Variants in ACAP2 observed in about 807,000 individuals in gnomAD.
ACAP2 encodes arf-GAP with coiled-coil, ANK repeat and PH domain-containing protein 2.
Under a neutral mutation model 115.8 loss-of-function variants are expected in ACAP2, and 39 were observed. The observed-to-expected ratio is 0.34, with a 90% CI of 0.26 to 0.44. ACAP2 has a LOEUF of 0.44. ACAP2 is among the 20% of genes least tolerant of loss of function. ACAP2 has a pLI of 1.00. For missense variants in ACAP2, 662 were observed against 927.6 expected, an observed-to-expected ratio of 0.71 and a Z score of 3.72; for synonymous variants, 289 against 315.8, an observed-to-expected ratio of 0.92 and a Z score of 0.90.
chr3:195,438,797 T>C (rs1293078562), intron 1 of ACAP2, among the ~76,000 whole-genome samples: 1 of 152,206 alleles, frequency 6.6e-6, no homozygotes, highest in Non-Finnish European at 1.5e-5. Flanking sequence ...TGGTGGCTTA[T>C]GCCTGTAATC....
chr3:195,415,700 T>C (rs1350171738), intron 1 of ACAP2, among the ~76,000 whole-genome samples: 2 of 152,248 alleles, frequency 1.3e-5, no homozygotes, highest in African/African-American at 4.8e-5. Context: ...TTTTCAGATA[T>C]ATGACTTTAT....
At chr3:195,431,582 T>C (rs1230006010) in intron 1 of ACAP2, among the ~76,000 whole-genome samples, 2 of 150,768 alleles carry the variant, frequency 1.3e-5, no homozygotes, top group Non-Finnish European at 2.9e-5. Flanking sequence ...GGACTACAGG[T>C]ACATGCGACC....
intron 10 of ACAP2, among the ~76,000 whole-genome samples, chr3:195,320,248 C>T (rs994650772): frequency 3.3e-5 from 5 of 152,048 alleles, no homozygotes; most frequent in Admixed American, 3.3e-4. Context: ...TGGACTAATA[C>T]AATAAGCAAA....
intron 22 of ACAP2, among the ~76,000 whole-genome samples, chr3:195,280,291 A>G (rs1302143016): frequency 6.6e-6 from 1 of 152,050 alleles, no homozygotes; most frequent in Non-Finnish European, 1.5e-5. Flanking sequence ...GGCCAACATG[A>G]TGAAACCCTG....
At chr3:195,336,892 T>C (rs763697107) in intron 7 of ACAP2, 40 bp downstream of exon 7, 1 of 1,482,294 alleles carries the variant, frequency 6.7e-7, no homozygotes, top group Non-Finnish European at 9.4e-7. Flanking sequence ...TTTAGTTTCA[T>C]ATTAAAATAT....
Position 195,297,276 on chromosome 3 carries a change from C to A in ACAP2, c.1401G>T (p.Met467Ile). The A allele has an allele frequency of 6.2e-7, 1 of 1,609,668 alleles. No individual in the cohort carries two copies. Among genetic ancestry groups the A allele is most frequent in the Non-Finnish European group, 8.5e-7 (1 of 1,178,784 alleles). ...DTWEPELLKL[M>I]CELGNDVINR... is the part of the protein sequence containing the mutation. ...TTATAACATCATTCCCCAACTCACACATAAGCTGTTTGGCAAAAAAAAATA... is the reference window on the plus strand; with the variant it reads ...TTATAACATCATTCCCCAACTCACAAATAAGCTGTTTGGCAAAAAAAAATA... Residue 467 changes from methionine to isoleucine, a missense_variant, in exon 16 of 23, where the codon ATG becomes ATT. This residue lies in a region of ACAP2 where 401 missense variants were observed against 604.4 expected (regional missense o/e 0.66). Coordinates refer to ENST00000326793, the MANE Select transcript of ACAP2 (RefSeq NM_012287.6).
At chr3:195,403,349 G>C (rs1410770267) in intron 1 of ACAP2, among the ~76,000 whole-genome samples, 1 of 152,204 alleles carries the variant, frequency 6.6e-6, no homozygotes, top group Non-Finnish European at 1.5e-5. Flanking sequence ...AGCTATACCA[G>C]GTAACCACTG....
chr3:195,412,688 C>T (rs1027334149), intron 1 of ACAP2, among the ~76,000 whole-genome samples: 11 of 152,044 alleles, frequency 7.2e-5, no homozygotes, highest in African/African-American at 2.7e-4. Flanking sequence ...ATTTTAAGCC[C>T]TTTTGAGCTA....
rs926728972 is a variant in ACAP2 at position 195,442,953 on chromosome 3, G to C, written c.-106C>G. The C allele has an allele frequency of 1.9e-6, 2 of 1,048,566 alleles. No individual in the cohort carries two copies. Among genetic ancestry groups the C allele is most frequent in the Non-Finnish European group, 2.6e-6 (2 of 764,226 alleles). The allele number at this position is 1,048,566 out of a possible 1,614,324, so 65.0% of individuals were successfully genotyped here. On this transcript the variant is annotated 5_prime_UTR_variant, in exon 1 of 23. Coordinates refer to ENST00000326793, the MANE Select transcript of ACAP2 (RefSeq NM_012287.6). ...CGGGCGCACGGCCGCGACTAGCGTT[G>C]CGCGGAGCTGCGAAGGGCGCCTCGC...
chr3:195,318,627 G>A (rs1729244538), intron 10 of ACAP2, among the ~76,000 whole-genome samples: 1 of 152,212 alleles, frequency 6.6e-6, no homozygotes, highest in African/African-American at 2.4e-5. Context: ...ATATCTGGCA[G>A]AAGAAATTTC....
intron 13 of ACAP2, among the ~76,000 whole-genome samples, chr3:195,303,835 G>A (rs1728231524): frequency 1.3e-5 from 2 of 152,056 alleles, no homozygotes; most frequent in Admixed American, 1.3e-4. Context: ...CCTAAACAAT[G>A]ACAGATATGG....
At chr3:195,340,018 T>C (rs1199649510) in intron 6 of ACAP2, among the ~76,000 whole-genome samples, 7 of 151,568 alleles carry the variant, frequency 4.6e-5, no homozygotes, top group Admixed American at 3.3e-4. Flanking sequence ...GCAAAAATTA[T>C]TCCTTCTGGC....
intron 2 of ACAP2, among the ~76,000 whole-genome samples, chr3:195,386,545 G>C (rs1319278278): frequency 2.6e-5 from 4 of 152,176 alleles, no homozygotes; most frequent in African/African-American, 9.6e-5. Context: ...CACAGGAACA[G>C]AAAACCAAAC....
intron 22 of ACAP2, chr3:195,279,648 A>G: frequency 2.8e-6 from 1 of 351,536 alleles, no homozygotes; most frequent in Non-Finnish European, 5.0e-6. Flanking sequence ...AGATGCAGCC[A>G]CAGAAGAAAG....
chr3:195,281,194 A>G (rs1726480378), intron 22 of ACAP2, among the ~76,000 whole-genome samples: 1 of 152,202 alleles, frequency 6.6e-6, no homozygotes, highest in Admixed American at 6.5e-5. Flanking sequence ...TCACGAGGTC[A>G]GGAGATGGAG....
chr3:195,314,237 C>A (rs75840799), intron 10 of ACAP2, among the ~76,000 whole-genome samples: 4 of 149,278 alleles, frequency 2.7e-5, no homozygotes, highest in Non-Finnish European at 5.9e-5. Context: ...ACATAGTAAG[C>A]GTATCTTATT....
At chr3:195,308,975 T>A in intron 10 of ACAP2, 138 bp from the exon 11 acceptor site, 1 of 752,370 alleles carries the variant, frequency 1.3e-6, no homozygotes, top group Non-Finnish European at 2.1e-6. Flanking sequence ...TTATTTTGCT[T>A]TATATAAACT....
chr3:195,439,323 A>G (rs1353133), intron 1 of ACAP2, among the ~76,000 whole-genome samples: 46,132 of 150,990 alleles, frequency 0.31, 8,097 homozygotes, highest in East Asian at 0.82. Context: ...GGAATCACAG[A>G]TGCACGCCAC....
intron 4 of ACAP2, among the ~76,000 whole-genome samples, chr3:195,359,495 T>C (rs567849705): frequency 7.2e-5 from 11 of 152,272 alleles, no homozygotes; most frequent in African/African-American, 2.6e-4. Context: ...TGAGACAGAG[T>C]CTCGCTCTGT....
Sources: gnomAD v4.1 joint callset for allele counts (sites outside exome capture counted in the v4.1 genomes callset) on GRCh38, gnomAD v4.1.1 for gene constraint, gnomAD v4.1.1 regional missense constraint, MANE v1.5 for transcripts, NCBI Gene and HGNC (gene_info 2026-07-23, HGNC 2026-07-21) for gene names.